PDGFD: variants seen among roughly 807,000 people sequenced by gnomAD.
PDGFD encodes the protein platelet-derived growth factor D.
A neutral mutation model predicts 44.7 loss-of-function variants in PDGFD; 30 were observed. The ratio of observed to expected loss-of-function variants is 0.67; its 90% CI spans 0.50 to 0.91. The LOEUF (loss-of-function observed/expected upper bound fraction) is 0.91. Among genes scored for constraint, PDGFD ranks in the 40% least tolerant of loss-of-function variants. The pLI is 0.00. For synonymous variants in PDGFD, 173 were observed against 168.4 expected, an observed-to-expected ratio of 1.03 and a Z score of -0.21; for missense variants, 445 against 457.8, an observed-to-expected ratio of 0.97 and a Z score of 0.25.
chr11:104,136,117 G>T (rs1861999724), intron 1 of PDGFD, among the ~76,000 whole-genome samples: 2 of 152,088 alleles, frequency 1.3e-5, no homozygotes, highest in Admixed American at 1.3e-4. Flanking sequence ...GTAAACCCCA[G>T]CTTTGAAATC....
At chr11:103,927,205 T>G (rs1321056135) in intron 5 of PDGFD, 79 bp from the exon 6 acceptor site, 1 of 1,295,152 alleles carries the variant, frequency 7.7e-7, no homozygotes, top group Admixed American at 1.8e-5. Flanking sequence ...GGGAATAGAG[T>G]GGGAAGATTC....
At chr11:103,955,964 G>A (rs1858838583) in intron 3 of PDGFD, among the ~76,000 whole-genome samples, 1 of 151,816 alleles carries the variant, frequency 6.6e-6, no homozygotes, top group African/African-American at 2.4e-5. Flanking sequence ...TGGTGCTAGT[G>A]TCAAGATATT....
chr11:104,089,407 C>T (rs1277964029), intron 1 of PDGFD, among the ~76,000 whole-genome samples: 1 of 152,190 alleles, frequency 6.6e-6, no homozygotes, highest in African/African-American at 2.4e-5. Flanking sequence ...GAGCAATTAA[C>T]AGGTGACCAC....
chr11:103,970,144 T>A (rs990159435), intron 3 of PDGFD, among the ~76,000 whole-genome samples: 77 of 152,242 alleles, frequency 5.1e-4, no homozygotes, highest in African/African-American at 1.8e-3. Flanking sequence ...ATTTTAGACA[T>A]CCTTTCTATG....
chr11:104,103,462 G>GTGTATATATATATA (rs1041388346), intron 1 of PDGFD, among the ~76,000 whole-genome samples: 2 of 133,264 alleles, frequency 1.5e-5, no homozygotes, highest in East Asian at 4.4e-4. Flanking sequence ...GTGTGTGTGT[G>GTGTATATATATATA]TATATATATA....
chr11:103,927,761 C>T (rs564620216), intron 5 of PDGFD, among the ~76,000 whole-genome samples: 1 of 152,304 alleles, frequency 6.6e-6, no homozygotes, highest in South Asian at 2.1e-4. Flanking sequence ...TGCTTTGGAG[C>T]CGCAGTAAAG....
At chr11:103,938,157 C>T (rs569182687) in intron 5 of PDGFD, among the ~76,000 whole-genome samples, 44,286 of 150,550 alleles carry the variant, frequency 0.29, 7,289 homozygotes, top group East Asian at 0.38. Flanking sequence ...TGAACTAGTT[C>T]ACAGTCCCAC....
chr11:104,157,168 C>T (rs573887176), intron 1 of PDGFD, among the ~76,000 whole-genome samples: 2 of 152,272 alleles, frequency 1.3e-5, no homozygotes, highest in Admixed American at 6.5e-5. Flanking sequence ...GAGCGCAGAG[C>T]GACAACCAGG....
chr11:103,928,557 G>A (rs1054245369), intron 5 of PDGFD, among the ~76,000 whole-genome samples: 4 of 152,164 alleles, frequency 2.6e-5, no homozygotes, highest in African/African-American at 7.2e-5. Context: ...TCCACTAACC[G>A]CATCCCTGTT....
At chr11:104,141,399 A>AT (rs11392568) in intron 1 of PDGFD, among the ~76,000 whole-genome samples, 35,776 of 147,430 alleles carry the variant, frequency 0.24, 4,300 homozygotes, top group African/African-American at 0.3. Flanking sequence ...ATTTAATTTA[A>AT]TTTTTTTTTT....
intron 1 of PDGFD, chr11:104,036,680 C>A (rs1001438638): frequency 1.0e-5 from 7 of 677,262 alleles, no homozygotes; most frequent in African/African-American, 1.8e-5. Flanking sequence ...TGAGTGTCCG[C>A]GCCTCTCTGA....
At chr11:104,119,190 G>A (rs867860452) in intron 1 of PDGFD, among the ~76,000 whole-genome samples, 1 of 4,864 alleles carries the variant, frequency 2.1e-4, no homozygotes, top group Non-Finnish European at 4.6e-4. Flanking sequence ...ATAATATATT[G>A]ATATAATATA....
At chr11:104,046,994 G>T (rs1050830297) in intron 1 of PDGFD, among the ~76,000 whole-genome samples, 2 of 146,546 alleles carry the variant, frequency 1.4e-5, no homozygotes, top group African/African-American at 2.5e-5. Context: ...TGAGGTGCTT[G>T]GTTTTCTGTT....
At chr11:104,151,881 T>G (rs1377114241) in intron 1 of PDGFD, among the ~76,000 whole-genome samples, 2 of 152,148 alleles carry the variant, frequency 1.3e-5, no homozygotes, top group Non-Finnish European at 2.9e-5. Context: ...GATAGATAAT[T>G]TGTGGCTATA....
In PDGFD at chr11:104,119,189, TG is replaced by T. The variant is rs1197876427; in HGVS notation, c.124+44614del. On this transcript the variant is annotated intron_variant, in intron 1 of 6. Coordinates refer to ENST00000393158, the MANE Select transcript of PDGFD (RefSeq NM_025208.5). Reference sequence around the variant, plus strand: ...CATATAATATATTAATATAATATATTGATATAATATATAATATATTAATATA... The same window carrying T: ...CATATAATATATTAATATAATATATTATATAATATATAATATATTAATATA... Among the ~76,000 whole-genome samples the T allele has an allele frequency of 4.9e-4, 2 of 4,084 alleles. 1 individual carries two copies. The highest frequency in any genetic ancestry group is 8.3e-4 in the Non-Finnish European group (2 of 2,424). 2.7% of individuals were successfully genotyped at this position (4,084 alleles called of 152,430 possible).
intron 6 of PDGFD, among the ~76,000 whole-genome samples, chr11:103,919,385 A>G (rs534285080): frequency 1.3e-5 from 2 of 152,316 alleles, no homozygotes; most frequent in African/African-American, 4.8e-5. Context: ...AATATAAAAA[A>G]AGGCTGTTAA....
At position 104,119,130 on chromosome 11, in the gene PDGFD, A is replaced by T. The variant is rs1293145576; in HGVS notation, c.124+44674T>A. On this transcript the variant is annotated intron_variant, in intron 1 of 6. Transcript: ENST00000393158. Reference sequence around the variant, plus strand: ...TATATTAATATAATATATTGATATAATATATAATATATTAATATAATATAT... The same window carrying T: ...TATATTAATATAATATATTGATATATTATATAATATATTAATATAATATAT... Among the ~76,000 whole-genome samples, 57 of 35,330 alleles carry T rather than the reference A, an allele frequency of 1.6e-3. 15 individuals are homozygous for T. The highest frequency in any genetic ancestry group is 3.1e-3 in the Admixed American group (5 of 1,634). 23.2% of individuals were successfully genotyped at this position (35,330 alleles called of 152,430 possible).
intron 1 of PDGFD, among the ~76,000 whole-genome samples, chr11:104,020,624 A>G (rs1859935292): frequency 6.6e-6 from 1 of 152,138 alleles, no homozygotes; most frequent in Non-Finnish European, 1.5e-5. Context: ...TAAGGCAATG[A>G]CTATATTTTG....
intron 5 of PDGFD, among the ~76,000 whole-genome samples, chr11:103,933,182 T>C (rs1400167470): frequency 1.3e-5 from 2 of 152,134 alleles, no homozygotes; most frequent in Non-Finnish European, 2.9e-5. Context: ...TTATGATGCT[T>C]TGGGGTGGGG....
Sources: gnomAD v4.1 joint callset for allele counts (sites outside exome capture counted in the v4.1 genomes callset) on GRCh38, gnomAD v4.1.1 for gene constraint, MANE v1.5 for transcripts, NCBI Gene and HGNC (gene_info 2026-07-23, HGNC 2026-07-21) for gene names.